DCP2: variants seen among roughly 807,000 people sequenced by gnomAD.
The protein encoded by DCP2 is decapping mRNA 2.
In DCP2, 30 loss-of-function variants were observed where a neutral mutation model predicts 56.1. The observed-to-expected ratio is 0.53, with a 90% CI of 0.40 to 0.73. The LOEUF (loss-of-function observed/expected upper bound fraction) is 0.73, where lower values mean the gene tolerates loss of function less well. Ranked by LOEUF, DCP2 falls within the 30% of genes least tolerant of loss-of-function variation. The pLI, the probability that DCP2 is intolerant of heterozygous loss-of-function variation, is 0.00. For missense variants in DCP2, 533 were observed against 502.7 expected (o/e 1.06, Z -0.58); for synonymous variants, 197 against 163.3 (o/e 1.21, Z -1.57).
Position 112,992,693 on chromosome 5 carries a change from C to G in DCP2, c.355C>G (p.Leu119Val). Reference protein sequence around the residue: ...LENVLLVQGYLAKSGWGFPKG... With the variant: ...LENVLLVQGYVAKSGWGFPKG... ...GTAGGTACTACTAGTTCAGGGGTAC[C>G]TAGCAAAATCAGGCTGGGGATTTCC... Residue 119 changes from leucine to valine, a missense_variant, in exon 4 of 11, where the codon CTA becomes GTA. Leu to Val is a conservative substitution (Grantham distance 32). Around this residue, in one of 3 missense-constraint regions of DCP2, gnomAD observed 4 missense variants for 17.9 expected, o/e 0.22. Transcript: ENST00000389063. 2 of 1,582,216 alleles carry G rather than the reference C, an allele frequency of 1.3e-6. No homozygotes were observed. The highest frequency in any genetic ancestry group is 1.7e-6 in the Non-Finnish European group (2 of 1,170,484).
intron 4 of DCP2, among the ~76,000 whole-genome samples, chr5:112,996,866 A>G (rs746188611): frequency 2.4e-4 from 36 of 152,244 alleles, no homozygotes; most frequent in Non-Finnish European, 4.0e-4. Flanking sequence ...AAAGATTGCA[A>G]TGGGTTTATT....
chr5:112,988,255 G>T (rs1261580062), intron 2 of DCP2, among the ~76,000 whole-genome samples: 1 of 151,752 alleles, frequency 6.6e-6, no homozygotes, highest in Non-Finnish European at 1.5e-5. Context: ...GGCCAAGGGG[G>T]GCGGATCACT....
chr5:113,010,315 GGATTACAGCTGT>G (rs1749628530), intron 9 of DCP2, among the ~76,000 whole-genome samples: 1 of 151,634 alleles, frequency 6.6e-6, no homozygotes, highest in Non-Finnish European at 1.5e-5. Context: ...CAAAGTGCTG[GGATTACAGCTGT>G]GAGCCACTGT....
intron 1 of DCP2, 28 bp downstream of exon 1, chr5:112,977,014 C>A: frequency 6.8e-7 from 1 of 1,479,504 alleles, no homozygotes; most frequent in Non-Finnish European, 9.1e-7. Flanking sequence ...CCCCTTTCGC[C>A]CCCGTCGGGT....
chr5:113,019,564 T>G lies in DCP2; in HGVS notation c.*6080T>G, dbSNP rs1404141686. On this transcript the variant is annotated 3_prime_UTR_variant, in exon 11 of 11. Coordinates refer to ENST00000389063, the MANE Select transcript of DCP2 (RefSeq NM_152624.6). ...AAAGTTCTTTGGTCATATTTCACTT[T>G]AGAGTTAGGACAGGAGACAGCTAAC... The G allele has an allele frequency of 2.6e-5, 4 of 152,194 alleles. No individual in the cohort carries two copies. Among genetic ancestry groups the G allele is most frequent in the Non-Finnish European group, 5.9e-5 (4 of 68,026 alleles). The allele number at this position is 152,194 out of a possible 1,614,324, so 9.4% of individuals were successfully genotyped here.
rs1749965218 is a variant in DCP2, at chr5:113,018,133, C to G, written c.*4649C>G. ...GTCCTGAATGGTGATTCATTCCTTT[C>G]CATCTAACTTCCTTGTGACAAATAG... On this transcript the variant is annotated 3_prime_UTR_variant, in exon 11 of 11. Transcript: ENST00000389063. 6.6e-6 allele frequency: 1 copy of G among 152,178 alleles called. No homozygotes were observed. Among genetic ancestry groups the G allele is most frequent in the South Asian group, 2.1e-4 (1 of 4,830 alleles). 9.4% of individuals were successfully genotyped at this position (152,178 alleles called of 1,614,324 possible).
chr5:112,988,442 A>C (rs968820211), intron 2 of DCP2, among the ~76,000 whole-genome samples: 11 of 136,250 alleles, frequency 8.1e-5, no homozygotes, highest in African/African-American at 2.9e-4. Context: ...CAGTGAGCCG[A>C]GTTCGCGCCA....
rs1410536390 is a variant in DCP2, at chr5:112,979,075, AAT to A, written c.53+2092_53+2093del. ...AATAATTACGTTGTATTTTGTAAAC[AAT>A]ATGTTAAGCACCTGTCAAGTGTTAA... On this transcript the variant is annotated intron_variant, in intron 1 of 10. Transcript: ENST00000389063. 3.3e-5 allele frequency among the ~76,000 whole-genome samples: 5 copies of A among 152,202 alleles called. No individual in the cohort carries two copies. In the South Asian group the frequency reaches 1.0e-3, roughly 31 times the overall value.
rs1346970440 is a variant in DCP2 at position 113,013,592 on chromosome 5, G to A, written c.*108G>A. On this transcript the variant is annotated 3_prime_UTR_variant, in exon 11 of 11. Transcript: ENST00000389063. ...AGGTGTTTTAAAGAAATGCAGGGAG[G>A]CAATGTTTCTGAAGACATTTTCTGT... is the stretch of plus-strand genomic sequence containing the variant. The A allele has an allele frequency of 1.5e-6, 2 of 1,322,500 alleles. No individual in the cohort carries two copies. The highest frequency in any genetic ancestry group is 1.5e-5 in the African/African-American group (1 of 67,750). The allele number at this position is 1,322,500 out of a possible 1,614,324, so 81.9% of individuals were successfully genotyped here.
intron 4 of DCP2, among the ~76,000 whole-genome samples, chr5:113,000,061 CAAAAAAAAAA>C (rs60251393): frequency 4.4e-5 from 4 of 89,956 alleles, no homozygotes; most frequent in African/African-American, 1.3e-4. Flanking sequence ...AACTCCATCT[CAAAAAAAAAA>C]AAAAAAAAAA....
At position 113,019,398 on chromosome 5, in the gene DCP2, A is replaced by G. The variant is rs557599192; in HGVS notation, c.*5914A>G. The stretch of plus-strand genomic sequence containing the variant: ...ACGCACTGACAGAAAAGCACAGAAG[A>G]CATACTGCTAAGAGTTTCTTTGTGC... On this transcript the variant is annotated 3_prime_UTR_variant, in exon 11 of 11. Transcript: ENST00000389063. The G allele has an allele frequency of 2.0e-5, 3 of 152,326 alleles. No individual in the cohort carries two copies. In the South Asian group the frequency reaches 6.2e-4, roughly 32 times the overall value. 9.4% of individuals were successfully genotyped at this position (152,326 alleles called of 1,614,324 possible). A position where few individuals can be genotyped will look rare whatever the true frequency, so the allele number is the denominator to read the frequency against.
rs1185354647 is a variant in DCP2 at position 113,001,343 on chromosome 5, C to A, written c.586-14C>A. ...AAAAATTAACTAAATGAATTATTTT[C>A]TTCTGTGTTTCAGAACATTGAGTGG... On this transcript the variant is annotated splice_polypyrimidine_tract_variant and intron_variant, in intron 5 of 10. Coordinates refer to ENST00000389063, the MANE Select transcript of DCP2 (RefSeq NM_152624.6). The A allele has an allele frequency of 6.2e-7, 1 of 1,600,760 alleles. No homozygotes were observed. Among genetic ancestry groups the A allele is most frequent in the South Asian group, 1.1e-5 (1 of 88,256 alleles).
In DCP2 at chr5:112,985,706, C is replaced by T. The variant is rs1748250177; in HGVS notation, c.54-129C>T. On this transcript the variant is annotated intron_variant, in intron 1 of 10. Coordinates refer to ENST00000389063, the MANE Select transcript of DCP2 (RefSeq NM_152624.6). ...TAGTATTTCTCTCAAATATTAATTG[C>T]TTCCTTGAACAGTACTGCTCTTGGT... 4 of 955,784 alleles carry T rather than the reference C, an allele frequency of 4.2e-6. No homozygotes were observed. The South Asian group carries it at 8.6e-5, about 21-fold the overall frequency. 59.2% of individuals were successfully genotyped at this position (955,784 alleles called of 1,614,324 possible). A position where few individuals can be genotyped will look rare whatever the true frequency, so the allele number is the denominator to read the frequency against.
At chr5:112,981,223 C>G (rs73229007) in intron 1 of DCP2, among the ~76,000 whole-genome samples, 1,956 of 152,108 alleles carry the variant, frequency 0.013, 30 homozygotes, top group African/African-American at 0.045. Flanking sequence ...CCAGCCTGGT[C>G]TCAAACGTAC....
At chr5:113,007,854 C>T in intron 8 of DCP2, 84 bp from the exon 9 acceptor site, 2 of 1,212,404 alleles carry the variant, frequency 1.6e-6, no homozygotes, top group Non-Finnish European at 2.3e-6. Flanking sequence ...TTGGTTCAAC[C>T]AGCTAAACAT....
intron 10 of DCP2, among the ~76,000 whole-genome samples, chr5:113,011,962 A>G (rs1044926539): frequency 2.0e-5 from 3 of 152,238 alleles, no homozygotes; most frequent in Non-Finnish European, 4.4e-5. Flanking sequence ...TGAAGGGTCT[A>G]TTATTTCTCC....
rs565453102 is a variant in DCP2 at position 113,015,823 on chromosome 5, A to G, written c.*2339A>G. The G allele has an allele frequency of 2.0e-5, 3 of 152,800 alleles. No individual in the cohort carries two copies. The highest frequency in any genetic ancestry group is 2.0e-4 in the Admixed American group (3 of 15,304). 9.5% of individuals were successfully genotyped at this position (152,800 alleles called of 1,614,324 possible). ...CTCAGTGTTCAGGTTACCTTGAGAA[A>G]GGCCATGCTTAGCGAACTGGATTTC... On this transcript the variant is annotated 3_prime_UTR_variant, in exon 11 of 11. Coordinates refer to ENST00000389063, the MANE Select transcript of DCP2 (RefSeq NM_152624.6).
intron 10 of DCP2, among the ~76,000 whole-genome samples, chr5:113,011,009 A>G (rs575408274): frequency 8.5e-5 from 13 of 152,336 alleles, no homozygotes; most frequent in African/African-American, 3.1e-4. Context: ...ACTTGCCTTC[A>G]GACTGTGCCG....
chr5:113,004,100 C>A (rs1166999461), intron 8 of DCP2, 23 bp downstream of exon 8: 1 of 1,598,152 alleles, frequency 6.3e-7, no homozygotes, highest in African/African-American at 1.4e-5. Context: ...CAATTACAGT[C>A]TTTTCAGAAA....
Sources: gnomAD v4.1 joint callset for allele counts (sites outside exome capture counted in the v4.1 genomes callset) on GRCh38, gnomAD v4.1.1 for gene constraint, gnomAD v4.1.1 regional missense constraint, MANE v1.5 for transcripts, NCBI Gene and HGNC (gene_info 2026-07-23, HGNC 2026-07-21) for gene names.